The following SLC19A1 variants were observed in gnomAD, a reference collection of about 807,000 sequenced individuals.
SLC19A1 encodes the protein reduced folate transporter.
Under a neutral mutation model 35.3 loss-of-function variants are expected in SLC19A1, and 37 were observed. The ratio of observed to expected loss-of-function variants is 1.05; its 90% CI spans 0.81 to 1.38. The LOEUF is 1.38. Among genes scored for constraint, SLC19A1 ranks in the 40% most tolerant of loss-of-function variants. SLC19A1 has a pLI of 0.00. For synonymous variants in SLC19A1, 460 were observed against 398.5 expected (o/e 1.15, Z -1.84); for missense variants, 831 against 826.9 (o/e 1.00, Z -0.06).
At chr21:45,503,810 TAAAATAA>T (rs1379078032) in intron 3 of SLC19A1, 1 of 347,614 alleles carries the variant, frequency 2.9e-6, no homozygotes, top group Non-Finnish European at 5.1e-6. Flanking sequence ...AATTTAAAAA[TAAAATAA>T]AAATAAAAAG....
At chr21:45,507,706 T>A, downstream of SLC19A1, 2 of 1,007,002 alleles carry the variant, frequency 2.0e-6, no homozygotes, top group Non-Finnish European at 3.1e-6. Context: ...GAGCTGAACA[T>A]GTGGCTCACC....
chr21:45,561,890 T>C (rs2078618190), intron 1 of SLC19A1, among the ~76,000 whole-genome samples: 1 of 151,820 alleles, frequency 6.6e-6, no homozygotes, highest in East Asian at 1.9e-4. Context: ...CCCAACACTT[T>C]GAGAGGCCAA....
intron 1 of SLC19A1, among the ~76,000 whole-genome samples, chr21:45,539,876 C>T (rs368458211): frequency 9.9e-5 from 15 of 152,242 alleles, no homozygotes; most frequent in East Asian, 7.7e-4. Flanking sequence ...TCGAGGTTTC[C>T]GGAGCTCCAC....
rs1444333845 is a variant in SLC19A1, at chr21:45,531,790, GAGA to G, written c.545_547del (p.Phe182del). The G allele has an allele frequency of 1.9e-6, 3 of 1,600,980 alleles. No individual in the cohort carries two copies. The highest frequency in any genetic ancestry group is 1.3e-5 in the African/African-American group (1 of 74,490). ...GGCCAGCGAGATGTAGTTGAGCGTGGAGAAGGAGACTCGGCCCACAGTGACCAG... is the reference window on the plus strand; with the variant it reads ...GGCCAGCGAGATGTAGTTGAGCGTGGAGGAGACTCGGCCCACAGTGACCAG... On this transcript the variant is annotated inframe_deletion, in exon 3 of 6. Transcript: ENST00000311124.
At position 45,516,028 on chromosome 21, in the gene SLC19A1, G is replaced by A. The variant is rs7278825; in HGVS notation, c.1406C>T (p.Ala469Val). The A allele has an allele frequency of 2.9e-3, 4,625 of 1,578,286 alleles. 63 individuals carry two copies. In the African/African-American group the frequency reaches 0.034, roughly 12 times the overall value. The change falls in exon 6 of 6, where the codon GCC becomes GTC. Residue 469 changes from alanine to valine, a missense_variant. Transcript: ENST00000311124. ...QRGHHPRQPP[A>V]QGLRSAAEEK... ...CTCCGCGGCACTCCTCAGGCCCTGG[G>A]CCGGGGGCTGCCGCGGGTGGTGGCC...
chr21:45,560,575 C>T (rs746695793), intron 1 of SLC19A1, among the ~76,000 whole-genome samples: 8 of 152,206 alleles, frequency 5.3e-5, no homozygotes, highest in Non-Finnish European at 1.2e-4. Context: ...CAAAGAGACA[C>T]ACACTCCTCC....
upstream of SLC19A1, among the ~76,000 whole-genome samples, chr21:45,548,747 A>G (rs182236941): frequency 3.8e-4 from 57 of 148,392 alleles, no homozygotes; most frequent in African/African-American, 1.5e-3. Context: ...CTGTCTAAAA[A>G]AATAAATAAA....
In SLC19A1 at chr21:45,517,788, T is replaced by C. The variant is rs1221535006; in HGVS notation, c.1294-1648A>G. On this transcript the variant is annotated intron_variant, in intron 5 of 5. Coordinates refer to ENST00000311124, the MANE Select transcript of SLC19A1 (RefSeq NM_194255.4). This position sits in a 1 kb window ranked among gnomAD's most constrained non-coding sequence, Gnocchi z 4.4. The stretch of plus-strand genomic sequence containing the variant: ...CACGAGGGGAGCTGGACTCCCATCC[T>C]TGCCTGGCAACAAGAAGGAGCCCCC... Among the ~76,000 whole-genome samples, 1 of 151,712 alleles carries C rather than the reference T, an allele frequency of 6.6e-6. No homozygotes were observed. Among genetic ancestry groups the C allele is most frequent in the Non-Finnish European group, 1.5e-5 (1 of 67,926 alleles).
rs2146181646 is a variant in SLC19A1, at chr21:45,514,803, T to C, written c.*855A>G. ...CTGTGGGCAAGGCACTAGCGCTCCTTAGACCCTGAGGCCGCTGGGACGTAC... is the reference window on the plus strand; with the variant it reads ...CTGTGGGCAAGGCACTAGCGCTCCTCAGACCCTGAGGCCGCTGGGACGTAC... On this transcript the variant is annotated 3_prime_UTR_variant, in exon 6 of 6. Coordinates refer to ENST00000311124, the MANE Select transcript of SLC19A1 (RefSeq NM_194255.4). The C allele has an allele frequency of 1.8e-6, 1 of 548,176 alleles. No homozygotes were observed. The highest frequency in any genetic ancestry group is 2.6e-5 in the South Asian group (1 of 37,752). 34.0% of individuals were successfully genotyped at this position (548,176 alleles called of 1,614,324 possible).
intron 1 of SLC19A1, among the ~76,000 whole-genome samples, chr21:45,555,237 A>C (rs1475623895): frequency 3.4e-4 from 1 of 2,906 alleles, no homozygotes; most frequent in Non-Finnish European, 6.6e-4. Flanking sequence ...GGGGCGGCGC[A>C]GGGGGCGGCG....
chr21:45,542,883 A>T (rs1391511565), upstream of SLC19A1, among the ~76,000 whole-genome samples: 1 of 151,470 alleles, frequency 6.6e-6, no homozygotes, highest in Admixed American at 6.6e-5. Flanking sequence ...CCTGGCCGCA[A>T]GCTGGATCCG....
Position 45,514,839 on chromosome 21 carries a change from C to T in SLC19A1, c.*819G>A, listed in dbSNP as rs537262020. 11 of 614,374 alleles carry T rather than the reference C, an allele frequency of 1.8e-5. No homozygotes were observed. Among genetic ancestry groups the T allele is most frequent in the African/African-American group, 1.7e-4 (9 of 51,974 alleles). 38.1% of individuals were successfully genotyped at this position (614,374 alleles called of 1,614,324 possible). ...GCCGCTGGGACGTACTTCCCCAGCG[C>T]CCACCACAAAGGCAGCCCCCCCAAG... On this transcript the variant is annotated 3_prime_UTR_variant, in exon 6 of 6. Transcript: ENST00000311124.
At chr21:45,505,379 C>G (rs780489714) in intron 3 of SLC19A1, 8 of 1,594,338 alleles carry the variant, frequency 5.0e-6, no homozygotes, top group Non-Finnish European at 6.9e-6. Context: ...CCCGGCCCTC[C>G]GGGCCCCCCT....
Position 45,515,731 on chromosome 21 carries a change from A to C in SLC19A1, c.1703T>G (p.Val568Gly). ...CAGCTTGCTGACACCAGGAGGATGGACAGCCAGCTGGGGACAAGTCTCATC... is the reference window on the plus strand; with the variant it reads ...CAGCTTGCTGACACCAGGAGGATGGCCAGCCAGCTGGGGACAAGTCTCATC... Reference protein sequence around the residue: ...AADETCPQLAVHPPGVSKLGL... With the variant: ...AADETCPQLAGHPPGVSKLGL... Residue 568 changes from valine (V) to glycine (G), a missense_variant, in exon 6 of 6, where the codon GTC becomes GGC. Coordinates refer to ENST00000311124, the MANE Select transcript of SLC19A1 (RefSeq NM_194255.4). The C allele has an allele frequency of 6.2e-7, 1 of 1,613,824 alleles. No homozygotes were observed. Among genetic ancestry groups the C allele is most frequent in the Non-Finnish European group, 8.5e-7 (1 of 1,180,006 alleles).
chr21:45,508,385 G>A (rs1420882995), downstream of SLC19A1, among the ~76,000 whole-genome samples: 4 of 146,962 alleles, frequency 2.7e-5, no homozygotes, highest in Non-Finnish European at 5.9e-5. Flanking sequence ...TGGATGGTGG[G>A]CAGATGGATG....
chr21:45,549,317 G>A (rs1251569369), upstream of SLC19A1, among the ~76,000 whole-genome samples: 3 of 152,138 alleles, frequency 2.0e-5, no homozygotes, highest in African/African-American at 4.8e-5. Context: ...AGGTGAGCAG[G>A]TGCCTGTGGT....
At chr21:45,562,936 C>T (rs999272814) in exon 1 of SLC19A1, among the ~76,000 whole-genome samples, 2 of 152,196 alleles carry the variant, frequency 1.3e-5, no homozygotes, top group Non-Finnish European at 2.9e-5. Context: ...GATCCTCCTC[C>T]GGTATCTACG....
At chr21:45,503,919 T>A in intron 3 of SLC19A1, 1 of 1,417,656 alleles carries the variant, frequency 7.1e-7, no homozygotes. Context: ...TAGAAGGGCC[T>A]CAGGCAAACC....
At position 45,515,871 on chromosome 21, in the gene SLC19A1, G is replaced by A. The variant is rs772893035; in HGVS notation, c.1563C>T (p.Ser521=). Residue 521 remains serine (S), a synonymous_variant, in exon 6 of 6, where the codon AGC becomes AGT. Transcript: ENST00000311124. ...CCGGGGCCTGGGCCAGGTATGGGTC[G>A]CTCTGTCTCTGCTCCAGGGAGGCTG... ...VGPASLEQRQ[S]DPYLAQAPAP... 5.6e-5 allele frequency: 88 copies of A among 1,580,062 alleles called. 1 individual carries two copies. The highest frequency in any genetic ancestry group is 1.2e-4 in the South Asian group (10 of 86,654).
Sources: allele counts gnomAD v4.1 joint callset (sites outside exome capture counted in the v4.1 genomes callset), GRCh38; gene constraint gnomAD v4.1.1; non-coding constraint Gnocchi (gnomAD v3.1); transcripts MANE v1.5; gene names NCBI Gene and HGNC (gene_info 2026-07-23, HGNC 2026-07-21).